The following ADAMTS17 variants were observed in gnomAD, a reference collection of about 807,000 sequenced individuals.
ADAMTS17 encodes the protein ADAM metallopeptidase with thrombospondin type 1 motif 17, also known as A disintegrin and metalloproteinase with thrombospondin motifs 17.
A neutral mutation model predicts 141.5 loss-of-function variants in ADAMTS17; 113 were observed. The observed-to-expected ratio is 0.80, with a 90% CI of 0.69 to 0.93. The LOEUF (loss-of-function observed/expected upper bound fraction) is 0.93. Ranked by LOEUF, ADAMTS17 falls within the 40% of genes least tolerant of loss-of-function variation. The probability of loss-of-function intolerance (pLI) is 0.00; values close to 1 mark genes in which losing one functional copy is unlikely to be tolerated. For synonymous variants in ADAMTS17, 768 were observed against 630.6 expected (o/e 1.22, Z -3.27); for missense variants, 1,659 against 1,517.9 (o/e 1.09, Z -1.54).
intron 20 of ADAMTS17, among the ~76,000 whole-genome samples, chr15:99,983,256 G>A (rs747697434): frequency 1.4e-4 from 22 of 152,126 alleles, no homozygotes; most frequent in Non-Finnish European, 2.6e-4. Flanking sequence ...GACAGCTGCC[G>A]TGGCCAGAGC....
intron 15 of ADAMTS17, among the ~76,000 whole-genome samples, chr15:100,093,923 T>G (rs1567162139): frequency 6.6e-6 from 1 of 151,934 alleles, no homozygotes; most frequent in Admixed American, 6.6e-5. Flanking sequence ...TAAAGTGCAT[T>G]CCAGTATGTC....
intron 8 of ADAMTS17, among the ~76,000 whole-genome samples, chr15:100,186,301 G>T (rs1031979483): frequency 6.6e-6 from 1 of 152,192 alleles, no homozygotes; most frequent in Non-Finnish European, 1.5e-5. Flanking sequence ...CATTGACAAA[G>T]GGCTTGAAGC....
intron 7 of ADAMTS17, among the ~76,000 whole-genome samples, chr15:100,204,497 G>A (rs1317579102): frequency 1.3e-5 from 2 of 152,344 alleles, no homozygotes; most frequent in Non-Finnish European, 1.5e-5. Flanking sequence ...AACCTAAGTG[G>A]ATGTGGGTGT....
chr15:100,338,612 TAAGAG>T (rs1432038603), intron 2 of ADAMTS17, among the ~76,000 whole-genome samples: 3 of 128,594 alleles, frequency 2.3e-5, no homozygotes, highest in Non-Finnish European at 3.3e-5. Context: ...TTCTGGTCCT[TAAGAG>T]AAGAAGTTTG....
rs369947314 is a variant in ADAMTS17 at position 99,985,621 on chromosome 15, T to G, written c.2949+7427A>C. On this transcript the variant is annotated intron_variant, in intron 20 of 21. Coordinates refer to ENST00000268070, the MANE Select transcript of ADAMTS17 (RefSeq NM_139057.4). ...ATCTTAGAGCTCAGCTCCTTCTTGT[T>G]TCAAATTCGGAATCTAAGCCTCTGA... Among the ~76,000 whole-genome samples, 15 of 152,264 alleles carry G rather than the reference T, an allele frequency of 9.9e-5. No homozygotes were observed. In the South Asian group the frequency reaches 3.1e-3, roughly 32 times the overall value.
At chr15:100,118,602 T>C (rs1485894901) in intron 12 of ADAMTS17, among the ~76,000 whole-genome samples, 3 of 152,136 alleles carry the variant, frequency 2.0e-5, no homozygotes, top group African/African-American at 7.2e-5. Flanking sequence ...TCCAGAGAAA[T>C]GACTGCATGG....
chr15:100,248,069 G>A (rs543164720), intron 7 of ADAMTS17, among the ~76,000 whole-genome samples: 32 of 152,152 alleles, frequency 2.1e-4, no homozygotes, highest in South Asian at 6.2e-4. Context: ...AGCCACAGCC[G>A]CTGGGCCCCA....
chr15:100,011,483 A>G (rs922276567), intron 18 of ADAMTS17, among the ~76,000 whole-genome samples: 15 of 151,980 alleles, frequency 9.9e-5, no homozygotes, highest in Non-Finnish European at 1.8e-4. Context: ...GGCAGGCAGG[A>G]AGATTTTCAA....
At chr15:100,306,730 G>T (rs1201957271) in intron 3 of ADAMTS17, among the ~76,000 whole-genome samples, 1 of 150,568 alleles carries the variant, frequency 6.6e-6, no homozygotes, top group Admixed American at 6.6e-5. Flanking sequence ...TAACTTGTTC[G>T]TTTCTCCCAT....
At position 100,281,346 on chromosome 15, in the gene ADAMTS17, G is replaced by T; in HGVS notation, c.672C>A (p.Asn224Lys). The change falls in exon 4 of 22, where the codon AAC becomes AAA. Residue 224 changes from asparagine (N) to lysine (K), a missense_variant. Asn to Lys is a moderately conservative substitution (Grantham distance 94). Coordinates refer to ENST00000268070, the MANE Select transcript of ADAMTS17 (RefSeq NM_139057.4). ...RPSRDWRERR[N>K]AIRLTSEHTV... ...TGTGCTCGCTGGTGAGCCGGATAGC[G>T]TTCCTCCGCTCCCGCCAGTCCCGCG... 1 of 1,610,586 alleles carries T rather than the reference G, an allele frequency of 6.2e-7. No homozygotes were observed. Among genetic ancestry groups the T allele is most frequent in the East Asian group, 2.2e-5 (1 of 44,850 alleles).
At chr15:99,980,249 A>C (rs1396255520) in intron 20 of ADAMTS17, 2 of 152,268 alleles carry the variant, frequency 1.3e-5, no homozygotes, top group Non-Finnish European at 2.9e-5. Context: ...TCAACCCAGG[A>C]GGCAGAGGTT....
chr15:100,051,711 T>G lies in ADAMTS17; in HGVS notation c.2316A>C (p.Gln772His). 6.2e-7 allele frequency: 1 copy of G among 1,614,202 alleles called. No individual in the cohort carries two copies. The highest frequency in any genetic ancestry group is 8.5e-7 in the Non-Finnish European group (1 of 1,180,038). ...TGTATTCATAATGAATTCCATAATC[T>G]TGGTCGTGAAATAACAACACCTGGA... The part of the protein sequence containing the change: ...LHLMVLLFHD[Q>H]DYGIHYEYTV... The change falls in exon 17 of 22, where the codon CAA becomes CAC. Residue 772 changes from glutamine (Q) to histidine (H), a missense_variant. Coordinates refer to ENST00000268070, the MANE Select transcript of ADAMTS17 (RefSeq NM_139057.4).
chr15:100,310,597 C>T (rs1463470802), intron 3 of ADAMTS17, among the ~76,000 whole-genome samples: 1 of 152,190 alleles, frequency 6.6e-6, no homozygotes, highest in East Asian at 1.9e-4. Flanking sequence ...CAGAAGGTCC[C>T]CTGCAGCAGA....
At chr15:100,152,065 G>C (rs1156648909) in intron 10 of ADAMTS17, among the ~76,000 whole-genome samples, 1 of 152,228 alleles carries the variant, frequency 6.6e-6, no homozygotes, top group Admixed American at 6.5e-5. Flanking sequence ...ACACATGTTG[G>C]AAGCGTTAGT....
intron 8 of ADAMTS17, among the ~76,000 whole-genome samples, chr15:100,169,364 G>A (rs2141460360): frequency 6.6e-6 from 1 of 152,296 alleles, no homozygotes; most frequent in African/African-American, 2.4e-5. Flanking sequence ...AATATTGACA[G>A]AGCAGAGAAA....
chr15:100,158,626 C>G (rs1596137645), intron 8 of ADAMTS17, among the ~76,000 whole-genome samples: 1 of 152,170 alleles, frequency 6.6e-6, no homozygotes, highest in African/African-American at 2.4e-5. Context: ...TACAAGCCCA[C>G]TCTTTGATTC....
In ADAMTS17 at chr15:100,043,558, A is replaced by T. The variant is rs1596290399; in HGVS notation, c.2591+5299T>A. 2.0e-5 allele frequency among the ~76,000 whole-genome samples: 3 copies of T among 152,180 alleles called. No individual in the cohort carries two copies. In the South Asian group the frequency reaches 6.2e-4, roughly 32 times the overall value. On this transcript the variant is annotated intron_variant, in intron 18 of 21. Transcript: ENST00000268070. ...AAACGGGAGTAAGCAATAATCCAAAACACAGGCCAGCAAACTCTTACGTGT... is the reference window on the plus strand; with the variant it reads ...AAACGGGAGTAAGCAATAATCCAAATCACAGGCCAGCAAACTCTTACGTGT...
chr15:100,319,754 A>T (rs565579595), intron 3 of ADAMTS17, among the ~76,000 whole-genome samples: 1 of 151,910 alleles, frequency 6.6e-6, no homozygotes, highest in Admixed American at 6.6e-5. Context: ...CTCAAAAAAG[A>T]CTTCAAATAA....
intron 7 of ADAMTS17, among the ~76,000 whole-genome samples, chr15:100,206,542 T>C (rs113727262): frequency 1.3e-5 from 2 of 152,224 alleles, no homozygotes; most frequent in African/African-American, 2.4e-5. Context: ...CAGTGACAGC[T>C]TTCAGCCTCC....
Sources: allele counts gnomAD v4.1 joint callset (sites outside exome capture counted in the v4.1 genomes callset), GRCh38; gene constraint gnomAD v4.1.1; transcripts MANE v1.5; gene names NCBI Gene and HGNC (gene_info 2026-07-23, HGNC 2026-07-21).